The following WWC2 variants were observed in gnomAD, a reference collection of about 807,000 sequenced individuals.
WWC2 encodes protein WWC2.
In WWC2, 101 loss-of-function variants were observed where a neutral mutation model predicts 138.5. That is an observed-to-expected ratio of 0.73 (90% CI 0.62 to 0.86). WWC2 has a LOEUF of 0.86. WWC2 is among the 40% of genes least tolerant of loss of function. The pLI is 0.00. For synonymous variants in WWC2, 558 were observed against 538.4 expected (o/e 1.04, Z -0.50); for missense variants, 1,420 against 1,419.4 (o/e 1.00, Z -0.01).
chr4:183,262,260 C>T (rs749191809), intron 11 of WWC2, among the ~76,000 whole-genome samples: 5 of 152,178 alleles, frequency 3.3e-5, no homozygotes, highest in Non-Finnish European at 5.9e-5. Flanking sequence ...CCCTTGTTGG[C>T]AGATGATCAC....
intron 5 of WWC2, among the ~76,000 whole-genome samples, chr4:183,242,280 C>T (rs1400905403): frequency 6.6e-6 from 1 of 152,144 alleles, no homozygotes; most frequent in African/African-American, 2.4e-5. Context: ...ATATTTGTGG[C>T]ATGACAGAAA....
intron 14 of WWC2, among the ~76,000 whole-genome samples, chr4:183,266,449 TCAAAC>T (rs1302545156): frequency 2.0e-5 from 3 of 152,208 alleles, no homozygotes; most frequent in Non-Finnish European, 4.4e-5. Flanking sequence ...TTTCACTTCA[TCAAAC>T]CAAGAATCCC....
chr4:183,101,436 A>T (rs368534712), intron 1 of WWC2, among the ~76,000 whole-genome samples: 2 of 152,236 alleles, frequency 1.3e-5, no homozygotes, highest in Admixed American at 6.5e-5. Context: ...GATAGGGACA[A>T]ATAGTTTTGA....
intron 1 of WWC2, 94 bp downstream of exon 1, chr4:183,099,716 C>A: frequency 1.8e-6 from 2 of 1,124,740 alleles, no homozygotes; most frequent in Non-Finnish European, 2.2e-6. Context: ...GGCGCCGGCC[C>A]GCGGTGCCCC....
At chr4:183,115,121 G>A (rs762029335) in intron 1 of WWC2, among the ~76,000 whole-genome samples, 2 of 152,100 alleles carry the variant, frequency 1.3e-5, no homozygotes, top group South Asian at 2.1e-4. Context: ...GAGAACATGC[G>A]GTATTTGGTT....
At chr4:183,262,689 G>A (rs1056215809) in intron 11 of WWC2, among the ~76,000 whole-genome samples, 3 of 151,900 alleles carry the variant, frequency 2.0e-5, no homozygotes, top group Admixed American at 2.0e-4. Flanking sequence ...AATAACCAGG[G>A]GAATGGTGTG....
Position 183,225,816 on chromosome 4 carries a change from C to T in WWC2, c.523-14367C>T, listed in dbSNP as rs147185682. 8.4e-3 allele frequency among the ~76,000 whole-genome samples: 1,278 copies of T among 152,302 alleles called. 31 individuals are homozygous for T. The highest frequency in any genetic ancestry group is 0.029 in the African/African-American group (1,205 of 41,546). The stretch of plus-strand genomic sequence containing the variant: ...CAAAACAAACAAAAGTAACTGCTCT[C>T]ATGGAGCTTATGCTGTATTGGGGTG... On this transcript the variant is annotated intron_variant, in intron 4 of 22. Coordinates refer to ENST00000403733, the MANE Select transcript of WWC2 (RefSeq NM_024949.6).
At chr4:183,244,457 T>C (rs1287746045) in intron 5 of WWC2, among the ~76,000 whole-genome samples, 1 of 152,088 alleles carries the variant, frequency 6.6e-6, no homozygotes, top group Non-Finnish European at 1.5e-5. Flanking sequence ...GTTTATTCAA[T>C]ATGAGTTGAG....
At chr4:183,150,605 G>A (rs1049277193) in intron 1 of WWC2, among the ~76,000 whole-genome samples, 1 of 152,106 alleles carries the variant, frequency 6.6e-6, no homozygotes, top group Admixed American at 6.5e-5. Flanking sequence ...GCAGGGTTGT[G>A]TGCTGTGTTG....
chr4:183,248,594 A>G, intron 6 of WWC2, 120 bp from the exon 7 acceptor site: 1 of 1,026,100 alleles, frequency 9.7e-7, no homozygotes, highest in Non-Finnish European at 1.4e-6. Context: ...GTAAGTACCT[A>G]CTAAAATAAA....
At chr4:183,206,968 G>A (rs1189079366) in intron 2 of WWC2, among the ~76,000 whole-genome samples, 2 of 152,194 alleles carry the variant, frequency 1.3e-5, no homozygotes, top group Non-Finnish European at 2.9e-5. Context: ...ACACAGTAAA[G>A]AATGTGTTTG....
intron 21 of WWC2, among the ~76,000 whole-genome samples, chr4:183,295,624 A>C (rs989038502): frequency 1.3e-5 from 2 of 152,238 alleles, no homozygotes; most frequent in South Asian, 4.1e-4. Flanking sequence ...GACCTTATGT[A>C]CAACACAGTT....
intron 6 of WWC2, among the ~76,000 whole-genome samples, chr4:183,247,691 ATACTATATATACTATATG>A (rs1307886850): frequency 1.4e-5 from 2 of 140,264 alleles, no homozygotes; most frequent in Non-Finnish European, 3.0e-5. Context: ...TATATTCTAT[ATACTATATATACTATATG>A]TACTATATAT....
intron 1 of WWC2, among the ~76,000 whole-genome samples, chr4:183,193,227 T>G (rs1437984078): frequency 6.6e-6 from 1 of 152,346 alleles, no homozygotes; most frequent in East Asian, 1.9e-4. Context: ...TCCATGCTAC[T>G]GATAGGATTT....
At chr4:183,249,774 A>G in intron 7 of WWC2, 146 bp from the exon 8 acceptor site, 1 of 620,646 alleles carries the variant, frequency 1.6e-6, no homozygotes, top group South Asian at 2.2e-5. Context: ...AGACAATAAA[A>G]TAAGTGTCTT....
At chr4:183,153,577 CTAA>C (rs1435161475) in intron 1 of WWC2, among the ~76,000 whole-genome samples, 3 of 151,118 alleles carry the variant, frequency 2.0e-5, no homozygotes, top group Non-Finnish European at 4.4e-5. Flanking sequence ...TCATACGATA[CTAA>C]TGTGTTATTT....
At chr4:183,216,265 AT>A (rs1735751124) in intron 4 of WWC2, among the ~76,000 whole-genome samples, 1 of 152,218 alleles carries the variant, frequency 6.6e-6, no homozygotes, top group East Asian at 1.9e-4. Flanking sequence ...GGTAGACATA[AT>A]ACTCTCAGCT....
At chr4:183,255,823 T>C (rs1357652450) in intron 9 of WWC2, among the ~76,000 whole-genome samples, 1 of 152,000 alleles carries the variant, frequency 6.6e-6, no homozygotes, top group African/African-American at 2.4e-5. Flanking sequence ...TTTATACTTT[T>C]GTTTGCACAC....
At chr4:183,309,476 A>G (rs1739140762) in intron 21 of WWC2, among the ~76,000 whole-genome samples, 2 of 152,242 alleles carry the variant, frequency 1.3e-5, no homozygotes, top group African/African-American at 4.8e-5. Flanking sequence ...ATGAAAAGAT[A>G]TTTAACATCG....
Sources: gnomAD v4.1 joint callset for allele counts (sites outside exome capture counted in the v4.1 genomes callset) on GRCh38, gnomAD v4.1.1 for gene constraint, MANE v1.5 for transcripts, NCBI Gene and HGNC (gene_info 2026-07-23, HGNC 2026-07-21) for gene names.